KCNN3: variants seen among roughly 807,000 people sequenced by gnomAD.
KCNN3 encodes small conductance calcium-activated potassium channel protein 3.
In KCNN3, 16 loss-of-function variants were observed where a neutral mutation model predicts 62.9. The observed-to-expected ratio is 0.25, with a 90% CI of 0.17 to 0.39. The LOEUF (loss-of-function observed/expected upper bound fraction) is 0.39, where lower values mean the gene tolerates loss of function less well. KCNN3 is among the 10% of genes least tolerant of loss of function. The pLI is 1.00. For synonymous variants in KCNN3, 370 were observed against 389.2 expected (o/e 0.95, Z 0.58); for missense variants, 599 against 949.4 (o/e 0.63, Z 4.85).
chr1:154,802,934 G>A (rs376501559), intron 2 of KCNN3, among the ~76,000 whole-genome samples: 82 of 152,312 alleles, frequency 5.4e-4, no homozygotes, highest in Middle Eastern at 3.4e-3. Context: ...GTTCTGCCTG[G>A]TTGGAGGGGA....
chr1:154,837,046 G>A (rs1243814709), intron 1 of KCNN3, among the ~76,000 whole-genome samples: 1 of 151,958 alleles, frequency 6.6e-6, no homozygotes, highest in African/African-American at 2.4e-5. Flanking sequence ...ATCAACTTTT[G>A]TTTCCTCGTT....
intron 3 of KCNN3, among the ~76,000 whole-genome samples, chr1:154,735,643 C>T (rs972695507): frequency 6.6e-6 from 1 of 152,110 alleles, no homozygotes; most frequent in Non-Finnish European, 1.5e-5. Flanking sequence ...TTGCGTCTAC[C>T]CCTGACCGTG....
At position 154,707,615 on chromosome 1, in the gene KCNN3, C is replaced by G. The variant is rs1303449925; in HGVS notation, c.*361G>C. On this transcript the variant is annotated 3_prime_UTR_variant, in exon 8 of 8. Transcript: ENST00000271915. ...CCCTCCCTCCCAGCGGACCCCTCTT[C>G]TGGACTGGCTTCGCTGTTGGCTACT... is the stretch of plus-strand genomic sequence containing the variant. The G allele has an allele frequency of 5.1e-6, 1 of 197,724 alleles. No homozygotes were observed. Among genetic ancestry groups the G allele is most frequent in the African/African-American group, 2.4e-5 (1 of 42,470 alleles). The allele number at this position is 197,724 out of a possible 1,614,324, so 12.2% of individuals were successfully genotyped here.
At chr1:154,784,585 C>A (rs1364510871) in intron 2 of KCNN3, among the ~76,000 whole-genome samples, 1 of 152,200 alleles carries the variant, frequency 6.6e-6, no homozygotes, top group South Asian at 2.1e-4. Flanking sequence ...TTCCCCAGGC[C>A]CTGTGCCCCC....
chr1:154,774,970 C>T (rs543447880), intron 2 of KCNN3, among the ~76,000 whole-genome samples: 4 of 152,372 alleles, frequency 2.6e-5, no homozygotes, highest in East Asian at 1.9e-4. Context: ...CCTGGAAATA[C>T]ACCCTCAGCA....
chr1:154,761,664 C>A (rs191046675), intron 3 of KCNN3, among the ~76,000 whole-genome samples: 1 of 152,204 alleles, frequency 6.6e-6, no homozygotes, highest in Admixed American at 6.5e-5. Context: ...TTAGGCCGGG[C>A]GCGGTGGCTC....
At chr1:154,778,119 GC>G (rs1429447725) in intron 2 of KCNN3, among the ~76,000 whole-genome samples, 6 of 152,286 alleles carry the variant, frequency 3.9e-5, no homozygotes, top group African/African-American at 1.2e-4. Context: ...GTGGCTCTAG[GC>G]CTAATCCCTC....
chr1:154,727,944 T>C (rs1255033371), intron 4 of KCNN3, among the ~76,000 whole-genome samples: 1 of 152,218 alleles, frequency 6.6e-6, no homozygotes, highest in Non-Finnish European at 1.5e-5. Context: ...AAATGGAACA[T>C]CAGATGGAGA....
chr1:154,732,013 T>C (rs1420078340), intron 4 of KCNN3, among the ~76,000 whole-genome samples: 1 of 152,168 alleles, frequency 6.6e-6, no homozygotes, highest in East Asian at 1.9e-4. Context: ...CTTCACCAAT[T>C]TGCAACTGAA....
chr1:154,849,210 C>T (rs1652209627), intron 1 of KCNN3, among the ~76,000 whole-genome samples: 1 of 152,252 alleles, frequency 6.6e-6, no homozygotes, highest in African/African-American at 2.4e-5. Context: ...CCCACTCACA[C>T]AGCACAGAAA....
intron 2 of KCNN3, among the ~76,000 whole-genome samples, chr1:154,776,800 G>A (rs1648808653): frequency 6.6e-6 from 1 of 152,178 alleles, no homozygotes; most frequent in African/African-American, 2.4e-5. Context: ...GAATGACTTG[G>A]AGGGCTTGTT....
At chr1:154,716,477 A>G (rs1434562567) in intron 5 of KCNN3, among the ~76,000 whole-genome samples, 1 of 152,254 alleles carries the variant, frequency 6.6e-6, no homozygotes, top group Non-Finnish European at 1.5e-5. Flanking sequence ...TTGTTAAAAT[A>G]CTGAGATGTG....
rs534830184 is a variant in KCNN3, at chr1:154,760,681, C to A, written c.1448+11294G>T. On this transcript the variant is annotated intron_variant, in intron 3 of 7. Transcript: ENST00000271915. ...CGCGCGGGAACCACCCGCGGACTCG[C>A]GGCCTCTCCCCACCGGACCCCGCAA... Among the ~76,000 whole-genome samples, 16 of 152,346 alleles carry A rather than the reference C, an allele frequency of 1.1e-4. No individual in the cohort carries two copies. The South Asian group carries it at 3.3e-3, about 32-fold the overall frequency.
At chr1:154,753,893 G>A (rs146833193) in intron 3 of KCNN3, among the ~76,000 whole-genome samples, 4 of 152,196 alleles carry the variant, frequency 2.6e-5, no homozygotes, top group South Asian at 2.1e-4. Context: ...CCAGCCAGTC[G>A]CAGGTGCTTA....
At chr1:154,737,129 A>C (rs1274462645) in intron 3 of KCNN3, 4 of 676,342 alleles carry the variant, frequency 5.9e-6, no homozygotes, top group Non-Finnish European at 1.1e-5. Context: ...TTCTAAACCT[A>C]TTCACAATTT....
chr1:154,741,070 T>C (rs1263247002), intron 3 of KCNN3, among the ~76,000 whole-genome samples: 1 of 152,246 alleles, frequency 6.6e-6, no homozygotes, highest in East Asian at 1.9e-4. Flanking sequence ...GTAACATTTT[T>C]ACATATTTTA....
At chr1:154,798,111 G>C (rs1649806099) in intron 2 of KCNN3, among the ~76,000 whole-genome samples, 1 of 152,070 alleles carries the variant, frequency 6.6e-6, no homozygotes, top group Non-Finnish European at 1.5e-5. Context: ...CCTGGGACAG[G>C]GTAGATATTG....
intron 3 of KCNN3, among the ~76,000 whole-genome samples, chr1:154,742,584 A>G (rs1557952244): frequency 6.6e-6 from 1 of 152,202 alleles, no homozygotes. Context: ...TCGTGTGTCT[A>G]TGGTTAGCCT....
intron 1 of KCNN3, among the ~76,000 whole-genome samples, chr1:154,837,581 A>G (rs1651644411): frequency 6.6e-6 from 1 of 152,124 alleles, no homozygotes; most frequent in African/African-American, 2.4e-5. Context: ...AGTGATGCTT[A>G]TGGGGGAAAA....
Sources: allele counts gnomAD v4.1 joint callset (sites outside exome capture counted in the v4.1 genomes callset), GRCh38; gene constraint gnomAD v4.1.1; transcripts MANE v1.5; gene names NCBI Gene and HGNC (gene_info 2026-07-23, HGNC 2026-07-21).